Variants in KCTD8 observed in about 807,000 individuals in gnomAD.
The protein encoded by KCTD8 is potassium channel tetramerization domain containing 8.
Under a neutral mutation model 31.5 loss-of-function variants are expected in KCTD8, and 27 were observed. The ratio of observed to expected loss-of-function variants is 0.86; its 90% CI spans 0.63 to 1.18. The LOEUF (loss-of-function observed/expected upper bound fraction) is 1.18. KCTD8 is among the 50% of genes most tolerant of loss of function. The pLI is 0.00. For synonymous variants in KCTD8, 290 were observed against 280.0 expected, an observed-to-expected ratio of 1.04 and a Z score of -0.36; for missense variants, 658 against 647.7, an observed-to-expected ratio of 1.02 and a Z score of -0.17.
At chr4:44,245,647 T>G (rs1259028068) in intron 1 of KCTD8, among the ~76,000 whole-genome samples, 1 of 151,948 alleles carries the variant, frequency 6.6e-6, no homozygotes, top group South Asian at 2.1e-4. Flanking sequence ...ATCAAGAAAA[T>G]GAGATTAAAA....
At chr4:44,281,916 G>A (rs1716915510) in intron 1 of KCTD8, among the ~76,000 whole-genome samples, 1 of 152,126 alleles carries the variant, frequency 6.6e-6, no homozygotes, top group South Asian at 2.1e-4. Context: ...CTAGTTCTAG[G>A]ACTCTATTTC....
At chr4:44,329,194 G>T (rs1038002056) in intron 1 of KCTD8, among the ~76,000 whole-genome samples, 1 of 150,142 alleles carries the variant, frequency 6.7e-6, no homozygotes, top group African/African-American at 2.5e-5. Flanking sequence ...AAACAACCTC[G>T]CTGGGGTTTG....
At chr4:44,349,052 C>A (rs1268960541) in intron 1 of KCTD8, among the ~76,000 whole-genome samples, 5 of 149,484 alleles carry the variant, frequency 3.3e-5, no homozygotes, top group African/African-American at 1.2e-4. Context: ...TGCTTAGTAG[C>A]ACCACCATCG....
chr4:44,269,889 C>G (rs1036319999), intron 1 of KCTD8, among the ~76,000 whole-genome samples: 1 of 152,124 alleles, frequency 6.6e-6, no homozygotes, highest in African/African-American at 2.4e-5. Flanking sequence ...AGTCAGGAAA[C>G]AACACATGCT....
At chr4:44,399,094 T>C (rs567551888) in intron 1 of KCTD8, among the ~76,000 whole-genome samples, 16 of 152,234 alleles carry the variant, frequency 1.1e-4, no homozygotes, top group Admixed American at 1.0e-3. Flanking sequence ...AAGATAAACA[T>C]GACAGAGCTA....
chr4:44,337,508 T>C (rs1718780225), intron 1 of KCTD8, among the ~76,000 whole-genome samples: 1 of 151,822 alleles, frequency 6.6e-6, no homozygotes, highest in Non-Finnish European at 1.5e-5. Context: ...ATCCTGTCTC[T>C]ACTAGAAATA....
chr4:44,189,106 T>C (rs1713681639), intron 1 of KCTD8, among the ~76,000 whole-genome samples: 1 of 152,196 alleles, frequency 6.6e-6, no homozygotes, highest in Non-Finnish European at 1.5e-5. Flanking sequence ...GAATCTTAAC[T>C]GTTCTATTAA....
chr4:44,319,512 A>C (rs552791467), intron 1 of KCTD8, among the ~76,000 whole-genome samples: 2 of 152,212 alleles, frequency 1.3e-5, no homozygotes, highest in Admixed American at 6.5e-5. Context: ...GAGAGAAAAG[A>C]AGCTGGGATT....
chr4:44,403,282 G>A (rs1384049644), intron 1 of KCTD8, among the ~76,000 whole-genome samples: 1 of 151,886 alleles, frequency 6.6e-6, no homozygotes, highest in African/African-American at 2.4e-5. Flanking sequence ...AAAATCACAC[G>A]TTTTATGCAT....
At chr4:44,326,553 C>T (rs998963993) in intron 1 of KCTD8, among the ~76,000 whole-genome samples, 2 of 151,810 alleles carry the variant, frequency 1.3e-5, no homozygotes, top group Admixed American at 1.3e-4. Flanking sequence ...TATGCCTAAA[C>T]AATTTAAAGT....
chr4:44,209,920 C>T (rs527470349), intron 1 of KCTD8, among the ~76,000 whole-genome samples: 1 of 152,096 alleles, frequency 6.6e-6, no homozygotes, highest in Non-Finnish European at 1.5e-5. Context: ...ATAAAAAAAG[C>T]TACACTATGG....
At position 44,361,366 on chromosome 4, in the gene KCTD8, G is replaced by A. The variant is rs534659874; in HGVS notation, c.961+86197C>T. Among the ~76,000 whole-genome samples the A allele has an allele frequency of 2.8e-4, 42 of 152,032 alleles. No individual in the cohort carries two copies. In the South Asian group the frequency reaches 8.7e-3, roughly 32 times the overall value. On this transcript the variant is annotated intron_variant, in intron 1 of 1. Coordinates refer to ENST00000360029, the MANE Select transcript of KCTD8 (RefSeq NM_198353.3). ...CATTATTTGGGCCATTGTTTAACAT[G>A]TTCTCTACAAAAGACCACTCACTCA... is the stretch of plus-strand genomic sequence containing the variant.
chr4:44,428,963 T>C (rs1465305387), intron 1 of KCTD8, among the ~76,000 whole-genome samples: 2 of 151,748 alleles, frequency 1.3e-5, no homozygotes, highest in Non-Finnish European at 2.9e-5. Context: ...GAGAAGTCCA[T>C]GCTATCGATA....
At chr4:44,376,131 A>T (rs988849743) in intron 1 of KCTD8, among the ~76,000 whole-genome samples, 37 of 152,180 alleles carry the variant, frequency 2.4e-4, no homozygotes, top group African/African-American at 8.2e-4. Context: ...TGGATGTACC[A>T]GAAAAGAAAA....
chr4:44,288,376 G>A (rs1486892400), intron 1 of KCTD8, among the ~76,000 whole-genome samples: 1 of 152,008 alleles, frequency 6.6e-6, no homozygotes, highest in African/African-American at 2.4e-5. Context: ...ACATAAAACT[G>A]ACAATGAAAT....
intron 1 of KCTD8, among the ~76,000 whole-genome samples, chr4:44,250,822 T>G (rs1296077006): frequency 6.6e-6 from 1 of 151,738 alleles, no homozygotes; most frequent in Non-Finnish European, 1.5e-5. Context: ...AGTATTTAAT[T>G]TATATAGGGT....
chr4:44,423,422 C>T (rs1721270193), intron 1 of KCTD8, among the ~76,000 whole-genome samples: 1 of 152,080 alleles, frequency 6.6e-6, no homozygotes, highest in African/African-American at 2.4e-5. Flanking sequence ...ATTTAGTGAA[C>T]TGTCAAGATA....
At chr4:44,418,654 G>A (rs1423426635) in intron 1 of KCTD8, among the ~76,000 whole-genome samples, 1 of 152,152 alleles carries the variant, frequency 6.6e-6, no homozygotes, top group Non-Finnish European at 1.5e-5. Flanking sequence ...ATTGAGGCAT[G>A]GCCTTCAGAA....
chr4:44,236,702 TCA>T (rs1311859075), intron 1 of KCTD8, among the ~76,000 whole-genome samples: 1 of 152,158 alleles, frequency 6.6e-6, no homozygotes, highest in African/African-American at 2.4e-5. Context: ...GAGGATGAAC[TCA>T]GACTCTGGTA....
Sources: gnomAD v4.1 joint callset for allele counts (sites outside exome capture counted in the v4.1 genomes callset) on GRCh38, gnomAD v4.1.1 for gene constraint, MANE v1.5 for transcripts, NCBI Gene and HGNC (gene_info 2026-07-23, HGNC 2026-07-21) for gene names.